Variants in MAST4 observed in about 807,000 individuals in gnomAD.
The protein encoded by MAST4 is microtubule-associated serine/threonine-protein kinase 4.
A neutral mutation model predicts 162.7 loss-of-function variants in MAST4; 89 were observed. The ratio of observed to expected loss-of-function variants is 0.55; its 90% confidence interval spans 0.46 to 0.65. The LOEUF is 0.65. Ranked by LOEUF, MAST4 falls within the 30% of genes least tolerant of loss-of-function variation. MAST4 has a pLI of 0.00. For missense variants in MAST4, 3,153 were observed against 3,374.0 expected, an observed-to-expected ratio of 0.93 and a Z score of 1.62; for synonymous variants, 1,479 against 1,361.1, an observed-to-expected ratio of 1.09 and a Z score of -1.91.
At chr5:66,803,114 A>C (rs1756001565) in intron 3 of MAST4, among the ~76,000 whole-genome samples, 1 of 152,148 alleles carries the variant, frequency 6.6e-6, no homozygotes, top group African/African-American at 2.4e-5. Flanking sequence ...TTAGTAAAAT[A>C]GGAATGGTTA....
chr5:66,776,507 A>G (rs1366145414), intron 2 of MAST4, among the ~76,000 whole-genome samples: 2 of 152,232 alleles, frequency 1.3e-5, no homozygotes, highest in African/African-American at 4.8e-5. Context: ...TCAAAGCTAT[A>G]AGAAGTGACA....
intron 3 of MAST4, among the ~76,000 whole-genome samples, chr5:66,816,288 A>G (rs1196055602): frequency 1.3e-5 from 2 of 152,078 alleles, no homozygotes; most frequent in Admixed American, 6.6e-5. Flanking sequence ...GTGGTCCAAG[A>G]CAATTCTTCT....
intron 3 of MAST4, among the ~76,000 whole-genome samples, chr5:66,810,184 A>C (rs1470648152): frequency 6.6e-6 from 1 of 152,124 alleles, no homozygotes; most frequent in African/African-American, 2.4e-5. Context: ...TGGTGAGGTA[A>C]GTCTTCTCCT....
chr5:67,110,360 G>T (rs1766095292), intron 11 of MAST4, among the ~76,000 whole-genome samples, 161 bp downstream of exon 11: 1 of 152,150 alleles, frequency 6.6e-6, no homozygotes, highest in African/African-American at 2.4e-5. Flanking sequence ...TATGTGACTT[G>T]TCCTTTCTGA....
chr5:66,877,400 C>G (rs1761375628), intron 3 of MAST4, among the ~76,000 whole-genome samples: 1 of 152,156 alleles, frequency 6.6e-6, no homozygotes, highest in Non-Finnish European at 1.5e-5. Context: ...ACTGTTAGCA[C>G]CATGTTGCAG....
intron 11 of MAST4, among the ~76,000 whole-genome samples, chr5:67,113,106 G>A (rs1384798572): frequency 6.6e-6 from 1 of 152,122 alleles, no homozygotes; most frequent in Non-Finnish European, 1.5e-5. Flanking sequence ...GAGGTCAGGA[G>A]ATCGAGACCA....
intron 3 of MAST4, among the ~76,000 whole-genome samples, chr5:66,807,148 C>T (rs1756228782): frequency 6.6e-6 from 1 of 152,214 alleles, no homozygotes; most frequent in South Asian, 2.1e-4. Flanking sequence ...TATCCATCCC[C>T]TCAAGCATTT....
At chr5:67,075,584 C>A (rs565433619) in intron 5 of MAST4, among the ~76,000 whole-genome samples, 3 of 151,926 alleles carry the variant, frequency 2.0e-5, no homozygotes, top group Non-Finnish European at 4.4e-5. Context: ...AGTTTGTCAT[C>A]TTTATCTTTT....
At chr5:66,925,133 G>A (rs1051055760) in intron 4 of MAST4, among the ~76,000 whole-genome samples, 2 of 151,700 alleles carry the variant, frequency 1.3e-5, no homozygotes, top group African/African-American at 4.8e-5. Context: ...TTGATTTTTG[G>A]CATGTGTTTT....
intron 4 of MAST4, among the ~76,000 whole-genome samples, chr5:67,008,459 C>CCT (rs1752300787): frequency 6.6e-6 from 1 of 152,192 alleles, no homozygotes; most frequent in African/African-American, 2.4e-5. Context: ...TCTGTCACAC[C>CCT]TTAAGGAAAG....
intron 4 of MAST4, among the ~76,000 whole-genome samples, chr5:66,957,037 G>A (rs1745398290): frequency 6.6e-6 from 1 of 152,112 alleles, no homozygotes; most frequent in Non-Finnish European, 1.5e-5. Flanking sequence ...GTTAAATTAG[G>A]GGTAGTAAAA....
intron 1 of MAST4, among the ~76,000 whole-genome samples, chr5:66,668,237 C>A (rs1363564055): frequency 2.0e-5 from 3 of 152,194 alleles, no homozygotes; most frequent in Middle Eastern, 3.2e-3. Flanking sequence ...ATGTAGGGAA[C>A]TCTAATTTCT....
intron 3 of MAST4, among the ~76,000 whole-genome samples, chr5:66,791,285 AAGTG>A (rs1755393225): frequency 6.6e-6 from 1 of 152,224 alleles, no homozygotes; most frequent in African/African-American, 2.4e-5. Context: ...TGGCCTCCCA[AAGTG>A]CTGGGATTAC....
chr5:67,021,673 G>A (rs1753999495), intron 4 of MAST4, among the ~76,000 whole-genome samples: 1 of 152,160 alleles, frequency 6.6e-6, no homozygotes, highest in Non-Finnish European at 1.5e-5. Context: ...CTGGTGTCTG[G>A]TAGAAGACTA....
intron 5 of MAST4, among the ~76,000 whole-genome samples, chr5:67,077,966 G>T (rs960276365): frequency 2.6e-5 from 4 of 152,136 alleles, no homozygotes; most frequent in South Asian, 2.1e-4. Context: ...GGGCGTGGAG[G>T]TAGGCGCCTG....
intron 1 of MAST4, among the ~76,000 whole-genome samples, chr5:66,676,362 A>G (rs1415344623): frequency 6.6e-6 from 1 of 152,224 alleles, no homozygotes; most frequent in Non-Finnish European, 1.5e-5. Context: ...ACTTGGGGCC[A>G]ACTAGGCTCT....
At chr5:66,843,474 T>C (rs1038827782) in intron 3 of MAST4, among the ~76,000 whole-genome samples, 1 of 152,174 alleles carries the variant, frequency 6.6e-6, no homozygotes, top group Non-Finnish European at 1.5e-5. Context: ...ATGATTTTCT[T>C]AGCCAGATCC....
At chr5:66,953,684 T>G (rs1208036935) in intron 4 of MAST4, among the ~76,000 whole-genome samples, 1 of 151,922 alleles carries the variant, frequency 6.6e-6, no homozygotes, top group Non-Finnish European at 1.5e-5. Context: ...CCCATTTAAG[T>G]GCAATGAAAT....
At chr5:66,888,505 T>C (rs1218090293) in intron 3 of MAST4, among the ~76,000 whole-genome samples, 5 of 152,240 alleles carry the variant, frequency 3.3e-5, no homozygotes, top group Admixed American at 3.3e-4. Context: ...GTATCACTTT[T>C]CAAATAGTCT....
Sources: gnomAD v4.1 joint callset for allele counts (sites outside exome capture counted in the v4.1 genomes callset) on GRCh38, gnomAD v4.1.1 for gene constraint, MANE v1.5 for transcripts, NCBI Gene and HGNC (gene_info 2026-07-23, HGNC 2026-07-21) for gene names.